FBXO43: variants seen among roughly 807,000 people sequenced by gnomAD.
The protein encoded by FBXO43 is F-box protein 43, also known as F-box only protein 43.
A neutral mutation model predicts 56.7 loss-of-function variants in FBXO43; 22 were observed. The ratio of observed to expected loss-of-function variants is 0.39; its 90% confidence interval spans 0.28 to 0.55. The LOEUF is 0.55. FBXO43 is among the 20% of genes least tolerant of loss of function. The probability of loss-of-function intolerance (pLI) is 0.66; values close to 1 mark genes in which losing one functional copy is unlikely to be tolerated. For missense variants in FBXO43, 733 were observed against 814.9 expected, an observed-to-expected ratio of 0.90 and a Z score of 1.22; for synonymous variants, 306 against 294.5, an observed-to-expected ratio of 1.04 and a Z score of -0.40.
At chr8:100,135,262 G>GA (rs1563750899) in intron 3 of FBXO43, among the ~76,000 whole-genome samples, 1 of 151,448 alleles carries the variant, frequency 6.6e-6, no homozygotes, top group African/African-American at 2.4e-5. Context: ...GAGAGAGAGG[G>GA]GTTATGTAGG....
At chr8:100,150,525 T>G (rs897018534), upstream of FBXO43, 1 of 152,312 alleles carries the variant, frequency 6.6e-6, no homozygotes, top group African/African-American at 2.4e-5. Context: ...AGAAAGCCCC[T>G]GCTTTACCGC....
chr8:100,144,929 C>CAAA lies in FBXO43; in HGVS notation c.85+119_85+121dup, dbSNP rs201867301. ...CCTGGGCGACAGAGCGACTCCGTCT[C>CAAA]AAAAAAAAAAAAAGAAAGAAAAAAG... On this transcript the variant is annotated intron_variant, in intron 1 of 4. Coordinates refer to ENST00000428847, the MANE Select transcript of FBXO43 (RefSeq NM_001029860.4). 1.0e-4 allele frequency: 95 copies of CAAA among 922,748 alleles called. No individual in the cohort carries two copies. In the African/African-American group the frequency reaches 1.2e-3, roughly 12 times the overall value. The allele number at this position is 922,748 out of a possible 1,614,324, so 57.2% of individuals were successfully genotyped here.
chr8:100,144,628 G>GA lies in FBXO43; in HGVS notation c.85+422dup, dbSNP rs912423794. On this transcript the variant is annotated intron_variant, in intron 1 of 4. Transcript: ENST00000428847. ...AACTTATTCCTAAAGTGTTCTTTAA[G>GA]AAAAAAAAAAAAAAAAGCAGCGGCC... Among the ~76,000 whole-genome samples, 759 of 113,274 alleles carry GA rather than the reference G, an allele frequency of 6.7e-3. 5 individuals are homozygous for GA. The highest frequency in any genetic ancestry group is 0.014 in the South Asian group (45 of 3,188). The allele number at this position is 113,274 out of a possible 152,430, so 74.3% of individuals were successfully genotyped here.
chr8:100,134,341 A>G lies in FBXO43; in HGVS notation c.1698T>C (p.Asp566=), dbSNP rs752419305. The G allele has an allele frequency of 6.2e-7, 1 of 1,613,680 alleles. No homozygotes were observed. The highest frequency in any genetic ancestry group is 1.1e-5 in the South Asian group (1 of 91,054). ...DSEGAVLNVE[D]AATRLQLLNR... ...TTAAAAGCTGGAGCCGAGTGGCAGC[A>G]TCCTCGACATTTAATACAGCCCCCT... The change falls in exon 4 of 5, where the codon GAT becomes GAC. Residue 566 remains aspartate (D), a synonymous_variant. Transcript: ENST00000428847.
In FBXO43 at chr8:100,141,421, G is replaced by T. The variant is rs546434333; in HGVS notation, c.833C>A (p.Ala278Glu). The T allele has an allele frequency of 5.6e-6, 9 of 1,613,498 alleles. No individual in the cohort carries two copies. In the African/African-American group the frequency reaches 1.1e-4, roughly 19 times the overall value. The change falls in exon 2 of 5, where the codon GCA (alanine) becomes GAA (glutamate). Residue 278 changes from alanine to glutamate, a missense_variant. By Grantham distance (107) the Ala-to-Glu change is moderately radical (BLOSUM62 -1). Coordinates refer to ENST00000428847, the MANE Select transcript of FBXO43 (RefSeq NM_001029860.4). ...DSSLCINDEN[A>E]CPELLGSSVS... ...AGAGGAGCCCAGGAGCTCTGGACATGCATTCTCATCATTAATGCATAAACT... is the reference window on the plus strand; with the variant it reads ...AGAGGAGCCCAGGAGCTCTGGACATTCATTCTCATCATTAATGCATAAACT...
chr8:100,141,948 T>G lies in FBXO43; in HGVS notation c.306A>C (p.Thr102=), dbSNP rs1049813975. ...EYLGKKEKGP[T]LLYEHPETSG... is the part of the protein sequence containing the mutation. ...AAGTTTCAGGGTGCTCATAGAGTAA[T>G]GTTGGGCCTTTTTCTTTCTTTCCAA... The change falls in exon 2 of 5, where the codon ACA becomes ACC. Residue 102 remains threonine, a synonymous_variant. Coordinates refer to ENST00000428847, the MANE Select transcript of FBXO43 (RefSeq NM_001029860.4). The G allele has an allele frequency of 6.2e-7, 1 of 1,604,948 alleles. No individual in the cohort carries two copies. Among genetic ancestry groups the G allele is most frequent in the Non-Finnish European group, 8.5e-7 (1 of 1,176,640 alleles).
upstream of FBXO43, among the ~76,000 whole-genome samples, chr8:100,149,325 A>C (rs1274417767): frequency 6.6e-6 from 1 of 152,230 alleles, no homozygotes; most frequent in South Asian, 2.1e-4. Flanking sequence ...TGATATTTCA[A>C]CTGGAGAGTT....
upstream of FBXO43, among the ~76,000 whole-genome samples, chr8:100,150,147 C>G (rs1161454107): frequency 6.6e-6 from 1 of 152,196 alleles, no homozygotes; most frequent in African/African-American, 2.4e-5. Flanking sequence ...AGTAGCCTAT[C>G]AGAGAAGGGG....
chr8:100,141,859 C>A lies in FBXO43; in HGVS notation c.395G>T (p.Arg132Ile), dbSNP rs1178971818. ...PTQKKKCILPRKEKDKTPELC... is the reference protein window; with the variant it reads ...PTQKKKCILPIKEKDKTPELC... The stretch of plus-strand genomic sequence containing the variant: ...TTCTGGGGTTTTATCCTTTTCCTTT[C>A]TAGGCAAGATACATTTCTTTTTTTG... The change falls in exon 2 of 5, where the codon AGA becomes ATA. Residue 132 changes from arginine (R) to isoleucine (I), a missense_variant. Physicochemically the swap from Arg to Ile is moderately conservative, Grantham distance 97 (BLOSUM62 -3). Coordinates refer to ENST00000428847, the MANE Select transcript of FBXO43 (RefSeq NM_001029860.4). The A allele has an allele frequency of 1.3e-6, 2 of 1,590,176 alleles. No individual in the cohort carries two copies. The highest frequency in any genetic ancestry group is 1.7e-6 in the Non-Finnish European group (2 of 1,173,526).
At chr8:100,142,777 A>T (rs1355999680) in intron 1 of FBXO43, among the ~76,000 whole-genome samples, 1 of 152,240 alleles carries the variant, frequency 6.6e-6, no homozygotes, top group Non-Finnish European at 1.5e-5. Flanking sequence ...AGACTGGCTC[A>T]TCAATGAACT....
upstream of FBXO43, among the ~76,000 whole-genome samples, chr8:100,146,607 G>C (rs769001207): frequency 1.7e-4 from 26 of 152,118 alleles, no homozygotes; most frequent in Non-Finnish European, 3.7e-4. Flanking sequence ...TTATATGCCA[G>C]GGACACTCCT....
At chr8:100,146,221 G>A (rs1212162998), upstream of FBXO43, among the ~76,000 whole-genome samples, 8 of 152,162 alleles carry the variant, frequency 5.3e-5, no homozygotes, top group East Asian at 9.6e-4. Flanking sequence ...ACTTGGATAC[G>A]GTAAATTTGT....
intron 1 of FBXO43, among the ~76,000 whole-genome samples, chr8:100,144,648 G>A (rs1245095440): frequency 1.4e-5 from 2 of 144,060 alleles, no homozygotes; most frequent in Admixed American, 6.9e-5. Context: ...AAAAAAAGCA[G>A]CGGCCGGGCG....
rs773386263 is a variant in FBXO43 at position 100,145,132 on chromosome 8, T to G, written c.4A>C (p.Ser2Arg). ...ATTCTCTCATCTTTGTCTTTAAAACTCATGCCAAAATAATGCCACTTAAAG... is the reference window on the plus strand; with the variant it reads ...ATTCTCTCATCTTTGTCTTTAAAACGCATGCCAAAATAATGCCACTTAAAG... The part of the protein sequence containing the change: M[S>R]FKDKDERISC... Residue 2 changes from serine (S) to arginine (R), a missense_variant, in exon 1 of 5, where the codon AGT (serine) becomes CGT (arginine). Ser to Arg is a moderately radical substitution (Grantham distance 110). Coordinates refer to ENST00000428847, the MANE Select transcript of FBXO43 (RefSeq NM_001029860.4). 2 of 1,609,156 alleles carry G rather than the reference T, an allele frequency of 1.2e-6. No individual in the cohort carries two copies. Among genetic ancestry groups the G allele is most frequent in the South Asian group, 1.1e-5 (1 of 90,068 alleles).
At position 100,142,140 on chromosome 8, in the gene FBXO43, C is replaced by A. The variant is rs750581694; in HGVS notation, c.114G>T (p.Arg38Ser). ...DETEILKMSQ[R>S]HSGQAGTEAG... ...CTTCAGTGCCAGCTTGACCTGAGTG[C>A]CTTTGCGACATCTTCAAAATCTCTG... Residue 38 changes from arginine to serine, a missense_variant, in exon 2 of 5, where the codon AGG becomes AGT. Transcript: ENST00000428847. 1 of 1,570,162 alleles carries A rather than the reference C, an allele frequency of 6.4e-7. No homozygotes were observed. The highest frequency in any genetic ancestry group is 8.6e-7 in the Non-Finnish European group (1 of 1,162,176).
chr8:100,141,512 C>G lies in FBXO43; in HGVS notation c.742G>C (p.Glu248Gln). 6.2e-7 allele frequency: 1 copy of G among 1,612,456 alleles called. No individual in the cohort carries two copies. Among genetic ancestry groups the G allele is most frequent in the South Asian group, 1.1e-5 (1 of 91,060 alleles). Residue 248 changes from glutamate (E) to glutamine (Q), a missense_variant, in exon 2 of 5, where the codon GAA (glutamate) becomes CAA (glutamine). Physicochemically the swap from Glu to Gln is conservative, Grantham distance 29 (BLOSUM62 2). Transcript: ENST00000428847. ...SKDDCSLFEV[E>Q]CISPIQGNNF... ...TTGCCCTGAATTGGAGATATACATTCAACTTCAAATAGGCTACAATCATCT... is the reference window on the plus strand; with the variant it reads ...TTGCCCTGAATTGGAGATATACATTGAACTTCAAATAGGCTACAATCATCT...
Position 100,133,727 on chromosome 8 carries a change from C to T in FBXO43, c.*75G>A. On this transcript the variant is annotated 3_prime_UTR_variant, in exon 5 of 5. Coordinates refer to ENST00000428847, the MANE Select transcript of FBXO43 (RefSeq NM_001029860.4). Reference sequence around the variant, plus strand: ...CACCTGTCATTAATGGGAAGATTTGCATGTATTCAAAATATTCATAATTTT... The same window carrying T: ...CACCTGTCATTAATGGGAAGATTTGTATGTATTCAAAATATTCATAATTTT... 2 of 1,409,652 alleles carry T rather than the reference C, an allele frequency of 1.4e-6. No homozygotes were observed. The highest frequency in any genetic ancestry group is 9.6e-7 in the Non-Finnish European group (1 of 1,044,402). 87.3% of individuals were successfully genotyped at this position (1,409,652 alleles called of 1,614,324 possible). A position where few individuals can be genotyped will look rare whatever the true frequency, so the allele number is the denominator to read the frequency against.
intron 2 of FBXO43, 107 bp downstream of exon 2, chr8:100,140,576 A>G: frequency 1.2e-6 from 1 of 860,356 alleles, no homozygotes; most frequent in Admixed American, 2.9e-5. Context: ...TAAGACAACA[A>G]AAGACAGAGA....
At position 100,137,536 on chromosome 8, in the gene FBXO43, C is replaced by G. The variant is rs369466372; in HGVS notation, c.1674+29G>C. The G allele has an allele frequency of 3.6e-6, 5 of 1,406,592 alleles. No individual in the cohort carries two copies. The African/African-American group carries it at 7.2e-5, about 20-fold the overall frequency. 87.1% of individuals were successfully genotyped at this position (1,406,592 alleles called of 1,614,324 possible). A position where few individuals can be genotyped will look rare whatever the true frequency, so the allele number is the denominator to read the frequency against. On this transcript the variant is annotated intron_variant, in intron 3 of 4. Coordinates refer to ENST00000428847, the MANE Select transcript of FBXO43 (RefSeq NM_001029860.4). Reference sequence around the variant, plus strand: ...GAGATTATTATGTATTTATACAAATCCATTTTAGAGAAGTATTACATACAT... The same window carrying G: ...GAGATTATTATGTATTTATACAAATGCATTTTAGAGAAGTATTACATACAT...
Sources: allele counts gnomAD v4.1 joint callset (sites outside exome capture counted in the v4.1 genomes callset), GRCh38; gene constraint gnomAD v4.1.1; transcripts MANE v1.5; gene names NCBI Gene and HGNC (gene_info 2026-07-23, HGNC 2026-07-21).